The following PPP3R1 variants were observed in gnomAD, a reference collection of about 807,000 sequenced individuals.
PPP3R1 encodes protein phosphatase 3 regulatory subunit B, alpha.
In PPP3R1, 5 loss-of-function variants were observed where a neutral mutation model predicts 22.6. The observed-to-expected ratio is 0.22, with a 90% CI of 0.12 to 0.46. The LOEUF is 0.46. Ranked by LOEUF, PPP3R1 falls within the 20% of genes least tolerant of loss-of-function variation. PPP3R1 has a pLI of 0.99. For missense variants in PPP3R1, 61 were observed against 203.2 expected (o/e 0.30, Z 4.25); for synonymous variants, 56 against 65.2 (o/e 0.86, Z 0.68).
rs946685459 is a variant in PPP3R1, at chr2:68,252,337, A to T, written c.-210T>A. 1 of 1,013,956 alleles carries T rather than the reference A, an allele frequency of 9.9e-7. No homozygotes were observed. The allele number at this position is 1,013,956 out of a possible 1,614,324, so 62.8% of individuals were successfully genotyped here. ...GAGGGAGCGGGCAGGGTAGGGGGAA[A>T]TAAATTAAGGTCGAGATTCAGAGCC... is the stretch of plus-strand genomic sequence containing the variant. On this transcript the variant is annotated 5_prime_UTR_variant, in exon 1 of 6. Coordinates refer to ENST00000234310, the MANE Select transcript of PPP3R1 (RefSeq NM_000945.4).
At position 68,252,486 on chromosome 2, in the gene PPP3R1, G is replaced by A; in HGVS notation, c.-359C>T. 2.0e-6 allele frequency: 2 copies of A among 977,148 alleles called. No individual in the cohort carries two copies. The highest frequency in any genetic ancestry group is 4.8e-5 in the South Asian group (1 of 20,870). 60.5% of individuals were successfully genotyped at this position (977,148 alleles called of 1,614,324 possible). A position where few individuals can be genotyped will look rare whatever the true frequency, so the allele number is the denominator to read the frequency against. ...AGCCTCGCGCTCGCGCCGGAGCCGT[G>A]ACGGACTCACTGCAGCGGCTCGCGC... On this transcript the variant is annotated 5_prime_UTR_variant, in exon 1 of 6. Coordinates refer to ENST00000234310, the MANE Select transcript of PPP3R1 (RefSeq NM_000945.4).
chr2:68,231,548 CTTG>C (rs1669898721), intron 1 of PPP3R1, among the ~76,000 whole-genome samples: 1 of 152,154 alleles, frequency 6.6e-6, no homozygotes, highest in Non-Finnish European at 1.5e-5. Flanking sequence ...CACACAAGTG[CTTG>C]TTTTTCCTCA....
In PPP3R1 at chr2:68,180,742, A is replaced by C. The variant is rs1029290976; in HGVS notation, c.*221T>G. ...TCCACCACATTGATATGCTCTTTTC[A>C]TGTTGCTGTCCTTCAGACTTTAAAG... On this transcript the variant is annotated 3_prime_UTR_variant, in exon 6 of 6. Coordinates refer to ENST00000234310, the MANE Select transcript of PPP3R1 (RefSeq NM_000945.4). The C allele has an allele frequency of 4.1e-6, 2 of 485,686 alleles. No homozygotes were observed. Among genetic ancestry groups the C allele is most frequent in the Non-Finnish European group, 7.3e-6 (2 of 273,538 alleles). 30.1% of individuals were successfully genotyped at this position (485,686 alleles called of 1,614,324 possible).
intron 4 of PPP3R1, 145 bp from the exon 5 acceptor site, chr2:68,186,797 C>T (rs1674555250): frequency 1.2e-6 from 1 of 828,276 alleles, no homozygotes; most frequent in Non-Finnish European, 1.9e-6. Context: ...TGTCCTTAGG[C>T]ACAGTTTAAC....
intron 2 of PPP3R1, among the ~76,000 whole-genome samples, chr2:68,202,210 G>A (rs1271441527): frequency 6.6e-6 from 1 of 151,870 alleles, no homozygotes; most frequent in Non-Finnish European, 1.5e-5. Context: ...TTTTTGTTAC[G>A]CAGATAGCTA....
At chr2:68,198,711 T>A (rs181064373) in intron 2 of PPP3R1, among the ~76,000 whole-genome samples, 2,414 of 152,262 alleles carry the variant, frequency 0.016, 31 homozygotes, top group Non-Finnish European at 0.026. Context: ...CTAAATTTTT[T>A]AAAATCTTGT....
chr2:68,235,781 T>G (rs1291759571), intron 1 of PPP3R1, among the ~76,000 whole-genome samples: 3 of 152,234 alleles, frequency 2.0e-5, no homozygotes, highest in Non-Finnish European at 4.4e-5. Flanking sequence ...AATTATTTTC[T>G]AATGCAGTTA....
chr2:68,188,127 A>T (rs1024002633), intron 3 of PPP3R1, among the ~76,000 whole-genome samples: 1 of 152,196 alleles, frequency 6.6e-6, no homozygotes, highest in African/African-American at 2.4e-5. Context: ...CCGAGATTAT[A>T]CCACCACATT....
chr2:68,188,502 C>T lies in PPP3R1; in HGVS notation c.220+12G>A, dbSNP rs765260684. The T allele has an allele frequency of 1.8e-5, 27 of 1,540,142 alleles. No individual in the cohort carries two copies. Among genetic ancestry groups the T allele is most frequent in the Non-Finnish European group, 1.2e-5 (14 of 1,140,866 alleles). ...GATAACTTGTGGTTATAAAAAATAA[C>T]TACTTTCTTACCTTTAAAGTCTACT... On this transcript the variant is annotated intron_variant, in intron 3 of 5. Coordinates refer to ENST00000234310, the MANE Select transcript of PPP3R1 (RefSeq NM_000945.4).
chr2:68,217,206 A>C, intron 1 of PPP3R1, 75 bp from the exon 2 acceptor site: 1 of 1,067,490 alleles, frequency 9.4e-7, no homozygotes, highest in Non-Finnish European at 1.4e-6. Flanking sequence ...TAAATATTTT[A>C]AGTCAAAAAA....
intron 2 of PPP3R1, among the ~76,000 whole-genome samples, chr2:68,205,171 T>C (rs1258872709): frequency 2.0e-5 from 3 of 152,012 alleles, no homozygotes; most frequent in Admixed American, 2.0e-4. Context: ...AAAAATGTTA[T>C]CTATATCCCA....
At chr2:68,249,531 T>A (rs937188816) in intron 1 of PPP3R1, among the ~76,000 whole-genome samples, 2 of 152,188 alleles carry the variant, frequency 1.3e-5, no homozygotes, top group African/African-American at 4.8e-5. Context: ...TATATTATGT[T>A]CATTTAAGTA....
At chr2:68,205,767 T>C (rs554863310) in intron 2 of PPP3R1, among the ~76,000 whole-genome samples, 3 of 152,222 alleles carry the variant, frequency 2.0e-5, no homozygotes, top group South Asian at 2.1e-4. Flanking sequence ...GAAAGCCAGA[T>C]TGCAGTAGAC....
At chr2:68,198,906 C>A (rs765910287) in intron 2 of PPP3R1, among the ~76,000 whole-genome samples, 4 of 152,124 alleles carry the variant, frequency 2.6e-5, no homozygotes, top group Non-Finnish European at 5.9e-5. Flanking sequence ...TAAACTTATA[C>A]CTGAGTATTT....
chr2:68,188,717 G>T, intron 2 of PPP3R1, 27 bp from the exon 3 acceptor site: 1 of 1,533,872 alleles, frequency 6.5e-7, no homozygotes, highest in Non-Finnish European at 8.7e-7. Context: ...AAGGAAGCAA[G>T]AATTTTTTAA....
intron 1 of PPP3R1, among the ~76,000 whole-genome samples, chr2:68,240,472 G>A (rs1191455305): frequency 6.6e-6 from 1 of 152,166 alleles, no homozygotes; most frequent in East Asian, 1.9e-4. Context: ...TTCTCACAGA[G>A]TTCACATTAA....
intron 2 of PPP3R1, among the ~76,000 whole-genome samples, chr2:68,208,892 C>T (rs1669390658): frequency 6.6e-6 from 1 of 151,330 alleles, no homozygotes; most frequent in Non-Finnish European, 1.5e-5. Flanking sequence ...CACTGCTCTC[C>T]AGCCTGGGTG....
chr2:68,226,119 C>CA (rs1178031750), intron 1 of PPP3R1, among the ~76,000 whole-genome samples: 3 of 151,914 alleles, frequency 2.0e-5, no homozygotes, highest in Admixed American at 6.6e-5. Context: ...ATAAATGCTA[C>CA]AAAAAAACAA....
At position 68,245,517 on chromosome 2, in the gene PPP3R1, T is replaced by C. The variant is rs561644956; in HGVS notation, c.3+6608A>G. Among the ~76,000 whole-genome samples, 204 of 152,322 alleles carry C rather than the reference T, an allele frequency of 1.3e-3. 1 individual carries two copies. The highest frequency in any genetic ancestry group is 4.7e-3 in the African/African-American group (194 of 41,564). On this transcript the variant is annotated intron_variant, in intron 1 of 5. Transcript: ENST00000234310. ...TTTTCACCAGCAACTCACTCTTACT[T>C]TCCTGGTTTTATTTGTAATGTGCTA...
Sources: allele counts gnomAD v4.1 joint callset (sites outside exome capture counted in the v4.1 genomes callset), GRCh38; gene constraint gnomAD v4.1.1; transcripts MANE v1.5; gene names NCBI Gene and HGNC (gene_info 2026-07-23, HGNC 2026-07-21).